The following SWT1 variants were observed in gnomAD, a reference collection of about 807,000 sequenced individuals.
SWT1 encodes transcriptional protein SWT1.
Under a neutral mutation model 107.3 loss-of-function variants are expected in SWT1, and 33 were observed. The observed-to-expected ratio is 0.31, with a 90% CI of 0.23 to 0.41. The LOEUF (loss-of-function observed/expected upper bound fraction) is 0.41. Ranked by LOEUF, SWT1 falls within the 10% of genes least tolerant of loss-of-function variation. The probability of loss-of-function intolerance (pLI) is 1.00; values close to 1 mark genes in which losing one functional copy is unlikely to be tolerated. For synonymous variants in SWT1, 345 were observed against 348.3 expected (o/e 0.99, Z 0.11); for missense variants, 898 against 1,028.9 (o/e 0.87, Z 1.74).
At chr1:185,162,538 G>A (rs1654239108) in intron 2 of SWT1, among the ~76,000 whole-genome samples, 1 of 151,966 alleles carries the variant, frequency 6.6e-6, no homozygotes, top group Non-Finnish European at 1.5e-5. Flanking sequence ...CCCAGGCTTC[G>A]TTTTCCCAAT....
chr1:185,232,402 T>A (rs1247396821), intron 16 of SWT1, among the ~76,000 whole-genome samples: 2 of 152,198 alleles, frequency 1.3e-5, no homozygotes, highest in Non-Finnish European at 2.9e-5. Context: ...CTACAGAAAG[T>A]AATAACTCAG....
At position 185,214,644 on chromosome 1, in the gene SWT1, A is replaced by T. The variant is rs1191980704; in HGVS notation, c.2110A>T (p.Thr704Ser). Residue 704 changes from threonine to serine, a missense_variant, in exon 14 of 19, where the codon ACA (threonine) becomes TCA (serine). By Grantham distance (58) the Thr-to-Ser change is moderately conservative. Around this residue, in one of 6 missense-constraint regions of SWT1, gnomAD observed 382 missense variants for 460.0 expected, o/e 0.83. Transcript: ENST00000367500. ...TGCTCAAGTAAACAACCTCCTTCAG[A>T]CATTTGCAGAGGTAAGATGCCTTTG... The part of the protein sequence containing the change: ...TFAQVNNLLQ[T>S]FAEVKTKLKP... The T allele has an allele frequency of 1.2e-6, 2 of 1,608,688 alleles. No individual in the cohort carries two copies. The highest frequency in any genetic ancestry group is 1.7e-6 in the Non-Finnish European group (2 of 1,178,086).
At chr1:185,264,395 A>C (rs1009927158) in intron 16 of SWT1, 2 of 985,168 alleles carry the variant, frequency 2.0e-6, no homozygotes, top group African/African-American at 3.5e-5. Flanking sequence ...GAAGAGAACA[A>C]GTCCCCAAAC....
At chr1:185,202,846 A>G in intron 11 of SWT1, 47 bp downstream of exon 11, 1 of 1,052,220 alleles carries the variant, frequency 9.5e-7, no homozygotes, top group Non-Finnish European at 1.3e-6. Context: ...TATTTTATAC[A>G]CTAAGATTAT....
chr1:185,285,172 G>C (rs563075687), intron 18 of SWT1, among the ~76,000 whole-genome samples: 1 of 152,158 alleles, frequency 6.6e-6, no homozygotes, highest in Non-Finnish European at 1.5e-5. Context: ...TGGGCCCCTG[G>C]GTTCATGAAG....
intron 15 of SWT1, among the ~76,000 whole-genome samples, chr1:185,229,184 T>C (rs1660316296): frequency 1.3e-5 from 2 of 152,240 alleles, no homozygotes; most frequent in South Asian, 4.1e-4. Context: ...TTTAGGTGTG[T>C]ACTGTGATAA....
intron 13 of SWT1, among the ~76,000 whole-genome samples, chr1:185,208,925 C>T (rs901429474): frequency 6.6e-6 from 1 of 151,964 alleles, no homozygotes; most frequent in Non-Finnish European, 1.5e-5. Context: ...TTATTGGTGC[C>T]TGAGGCTCAA....
chr1:185,253,905 G>A (rs1662260463), intron 16 of SWT1, among the ~76,000 whole-genome samples: 1 of 151,156 alleles, frequency 6.6e-6, no homozygotes, highest in Admixed American at 6.6e-5. Flanking sequence ...GTATGATATT[G>A]GCTGTGGGTT....
intron 18 of SWT1, among the ~76,000 whole-genome samples, chr1:185,284,933 T>C (rs2102782875): frequency 6.6e-6 from 1 of 151,156 alleles, no homozygotes; most frequent in Non-Finnish European, 1.5e-5. Context: ...TTTCTGGAGG[T>C]ACTTACTGGC....
Position 185,231,579 on chromosome 1 carries a change from C to A in SWT1, c.2312C>A (p.Thr771Lys). 1 of 1,603,494 alleles carries A rather than the reference C, an allele frequency of 6.2e-7. No individual in the cohort carries two copies. The highest frequency in any genetic ancestry group is 8.5e-7 in the Non-Finnish European group (1 of 1,172,582). ...TATCTTTTTTTTCTCTATTTTAGCA[C>A]GGATGTATTTCAAAGATTGGGCTCA... ...SVWITIYQNS[T>K]DVFQRLGSNS... is the part of the protein sequence containing the mutation. Residue 771 changes from threonine to lysine, a missense_variant and splice_region_variant, in exon 16 of 19, where the codon ACG becomes AAG. By Grantham distance (78) the Thr-to-Lys change is moderately conservative (BLOSUM62 -1). Transcript: ENST00000367500.
intron 16 of SWT1, among the ~76,000 whole-genome samples, chr1:185,257,752 C>T (rs1662710087): frequency 6.6e-6 from 1 of 152,258 alleles, no homozygotes; most frequent in South Asian, 2.1e-4. Flanking sequence ...GCGTCGCTCA[C>T]GCTGGTAGCT....
At chr1:185,201,830 CAGGTAAAA>C (rs1281502843) in intron 10 of SWT1, among the ~76,000 whole-genome samples, 1 of 152,170 alleles carries the variant, frequency 6.6e-6, no homozygotes, top group Non-Finnish European at 1.5e-5. Context: ...GAAATGCCCT[CAGGTAAAA>C]AGAGACTTGT....
intron 17 of SWT1, among the ~76,000 whole-genome samples, chr1:185,274,141 A>T (rs1664075583): frequency 6.6e-6 from 1 of 152,020 alleles, no homozygotes; most frequent in Non-Finnish European, 1.5e-5. Context: ...TTATAAGAAT[A>T]TGTGGATCTG....
In SWT1 at chr1:185,160,968, A is replaced by G. The variant is rs1654094489; in HGVS notation, c.84+43A>G. The stretch of plus-strand genomic sequence containing the variant: ...CTGACCTAGAGATACATTTCAATTT[A>G]TTTTTGCTTAATGAAAAAAATACAC... On this transcript the variant is annotated intron_variant, in intron 2 of 18. Coordinates refer to ENST00000367500, the MANE Select transcript of SWT1 (RefSeq NM_017673.7). 9 of 1,433,996 alleles carry G rather than the reference A, an allele frequency of 6.3e-6. No homozygotes were observed. The East Asian group carries it at 2.1e-4, about 33-fold the overall frequency. The allele number at this position is 1,433,996 out of a possible 1,614,324, so 88.8% of individuals were successfully genotyped here.
rs200332202 is a variant in SWT1, at chr1:185,252,957, G to C, written c.2442-18366G>C. On this transcript the variant is annotated intron_variant, in intron 16 of 18. Transcript: ENST00000367500. ...TTTAATCCATCTTGAATTGATTTTT[G>C]TATAAGGTGTAAGGAAGGGATCCAG... is the stretch of plus-strand genomic sequence containing the variant. 1.9e-3 allele frequency among the ~76,000 whole-genome samples: 265 copies of C among 141,004 alleles called. 3 individuals are homozygous for C. The highest frequency in any genetic ancestry group is 0.015 in the Admixed American group (211 of 14,012). The allele number at this position is 141,004 out of a possible 152,430, so 92.5% of individuals were successfully genotyped here.
Position 185,276,190 on chromosome 1 carries a change from T to C in SWT1, c.2509-414T>C, listed in dbSNP as rs569264090. ...GGTATTATAAATTATATCTCTGATA[T>C]AGATATTTATTAACTTAAACCTATT... On this transcript the variant is annotated intron_variant, in intron 17 of 18. Coordinates refer to ENST00000367500, the MANE Select transcript of SWT1 (RefSeq NM_017673.7). Among the ~76,000 whole-genome samples the C allele has an allele frequency of 5.3e-5, 8 of 152,276 alleles. No individual in the cohort carries two copies. The South Asian group carries it at 1.7e-3, about 32-fold the overall frequency.
intron 10 of SWT1, among the ~76,000 whole-genome samples, chr1:185,196,911 G>C (rs1657439131): frequency 6.6e-6 from 1 of 152,120 alleles, no homozygotes; most frequent in African/African-American, 2.4e-5. Context: ...GAGACAATTT[G>C]ACTTCTTCTC....
At chr1:185,288,251 ATTATTAT>A (rs1665058809) in intron 18 of SWT1, among the ~76,000 whole-genome samples, 1 of 151,978 alleles carries the variant, frequency 6.6e-6, no homozygotes, top group Non-Finnish European at 1.5e-5. Context: ...AATTTTTTTT[ATTATTAT>A]TTTTAGGGAG....
intron 15 of SWT1, among the ~76,000 whole-genome samples, chr1:185,224,951 T>G (rs1407106497): frequency 1.3e-5 from 2 of 152,172 alleles, no homozygotes; most frequent in Non-Finnish European, 2.9e-5. Flanking sequence ...TGCCCTTCCT[T>G]TCCTTTTCTT....
Sources: allele counts gnomAD v4.1 joint callset (sites outside exome capture counted in the v4.1 genomes callset), GRCh38; gene constraint gnomAD v4.1.1; regional missense constraint gnomAD v4.1.1; transcripts MANE v1.5; gene names NCBI Gene and HGNC (gene_info 2026-07-23, HGNC 2026-07-21).